The following PDS5B variants were observed in gnomAD, a reference collection of about 807,000 sequenced individuals.
PDS5B encodes the protein PDS5 cohesin associated factor B, also known as sister chromatid cohesion protein PDS5 homolog B.
A neutral mutation model predicts 184.1 loss-of-function variants in PDS5B; 51 were observed. The observed-to-expected ratio is 0.28, with a 90% CI of 0.22 to 0.35. PDS5B has a LOEUF of 0.35. PDS5B is among the 10% of genes least tolerant of loss of function. The probability of loss-of-function intolerance (pLI) is 1.00; values close to 1 mark genes in which losing one functional copy is unlikely to be tolerated. For missense variants in PDS5B, 1,180 were observed against 1,723.3 expected (o/e 0.68, Z 5.58); for synonymous variants, 566 against 569.2 (o/e 0.99, Z 0.08).
intron 1 of PDS5B, among the ~76,000 whole-genome samples, chr13:32,587,186 C>G (rs1454507174): frequency 2.0e-5 from 3 of 150,494 alleles, no homozygotes; most frequent in Non-Finnish European, 4.5e-5. Flanking sequence ...CCGCCGGGTC[C>G]CCGCGCGCCG....
intron 20 of PDS5B, among the ~76,000 whole-genome samples, chr13:32,732,557 A>G (rs1031863755): frequency 1.3e-4 from 20 of 152,154 alleles, no homozygotes; most frequent in African/African-American, 4.8e-4. Context: ...TTTCATTTGT[A>G]GGATCAAAAA....
intron 1 of PDS5B, among the ~76,000 whole-genome samples, chr13:32,635,935 AT>A (rs1299975364): frequency 1.3e-5 from 2 of 150,254 alleles, no homozygotes; most frequent in Admixed American, 1.3e-4. Flanking sequence ...CGCCTGGCTA[AT>A]TTTTTTGTAT....
intron 1 of PDS5B, among the ~76,000 whole-genome samples, chr13:32,622,710 C>A (rs2058319446): frequency 6.6e-6 from 1 of 152,076 alleles, no homozygotes; most frequent in Admixed American, 6.5e-5. Flanking sequence ...TGTTTAATAG[C>A]TGATATAAAT....
chr13:32,732,164 C>T lies in PDS5B; in HGVS notation c.2187C>T (p.Ala729=), dbSNP rs549259342. 3.3e-5 allele frequency: 53 copies of T among 1,607,850 alleles called. No homozygotes were observed. In the South Asian group the frequency reaches 5.4e-4, roughly 16 times the overall value. Reference sequence around the variant, plus strand: ...GACCCCCCCGTCAAGCCAAATATGCCATTCATTGTATCCATGCGATATTTT... The same window carrying T: ...GACCCCCCCGTCAAGCCAAATATGCTATTCATTGTATCCATGCGATATTTT... ...KKGPPRQAKY[A]IHCIHAIFSS... The change falls in exon 20 of 35, where the codon GCC becomes GCT. Residue 729 remains alanine, a synonymous_variant. Coordinates refer to ENST00000315596, the MANE Select transcript of PDS5B (RefSeq NM_015032.4).
At chr13:32,680,385 G>C (rs976981857) in intron 10 of PDS5B, among the ~76,000 whole-genome samples, 1 of 152,152 alleles carries the variant, frequency 6.6e-6, no homozygotes, top group Non-Finnish European at 1.5e-5. Flanking sequence ...GTTTGTTGGG[G>C]AGCCCTTAGT....
At chr13:32,610,288 A>T (rs533228403) in intron 1 of PDS5B, among the ~76,000 whole-genome samples, 1 of 152,330 alleles carries the variant, frequency 6.6e-6, no homozygotes, top group Non-Finnish European at 1.5e-5. Context: ...GAAAGTGCAT[A>T]ATAAGTTAAG....
intron 1 of PDS5B, among the ~76,000 whole-genome samples, chr13:32,589,516 AACATT>A (rs1305115732): frequency 6.6e-6 from 1 of 152,188 alleles, no homozygotes; most frequent in African/African-American, 2.4e-5. Context: ...TTCTTTATGT[AACATT>A]ACTTGACATG....
chr13:32,659,832 G>A (rs1399920768), intron 6 of PDS5B, among the ~76,000 whole-genome samples: 1 of 152,148 alleles, frequency 6.6e-6, no homozygotes, highest in African/African-American at 2.4e-5. Flanking sequence ...TTTGGGTTAA[G>A]GAGAGGAGGA....
At chr13:32,607,033 G>A (rs955951985) in intron 1 of PDS5B, among the ~76,000 whole-genome samples, 15 of 152,130 alleles carry the variant, frequency 9.9e-5, no homozygotes, top group East Asian at 3.9e-4. Context: ...TGTTATTACC[G>A]ATCATCTAAA....
chr13:32,768,797 A>AT (rs1566430000), intron 31 of PDS5B, among the ~76,000 whole-genome samples: 3 of 127,474 alleles, frequency 2.4e-5, no homozygotes, highest in Admixed American at 8.2e-5. Context: ...TGTCTCAAAA[A>AT]AAAAAAAAAG....
In PDS5B at chr13:32,684,871, T is replaced by G. The variant is rs1269979697; in HGVS notation, c.1203+848T>G. On this transcript the variant is annotated intron_variant, in intron 11 of 34. Transcript: ENST00000315596. ...GCTCACATCTGTAATCCCAGCACTTTGGGAGGCTGAGACGGGTAGATCATG... is the reference window on the plus strand; with the variant it reads ...GCTCACATCTGTAATCCCAGCACTTGGGGAGGCTGAGACGGGTAGATCATG... Among the ~76,000 whole-genome samples, 7 of 152,282 alleles carry G rather than the reference T, an allele frequency of 4.6e-5. No individual in the cohort carries two copies. In the East Asian group the frequency reaches 1.4e-3, roughly 29 times the overall value.
chr13:32,692,638 T>C (rs901378637), intron 13 of PDS5B, among the ~76,000 whole-genome samples: 3 of 151,814 alleles, frequency 2.0e-5, no homozygotes, highest in African/African-American at 7.3e-5. Context: ...GTAACAAATA[T>C]AAGAATATCC....
chr13:32,727,828 GA>G (rs1390412913), intron 19 of PDS5B, among the ~76,000 whole-genome samples: 2 of 150,812 alleles, frequency 1.3e-5, no homozygotes, highest in Non-Finnish European at 3.0e-5. Flanking sequence ...ATCAGATTTG[GA>G]AAAAAATTGG....
rs770066127 is a variant in PDS5B at position 32,742,722 on chromosome 13, A to T, written c.2607A>T (p.Lys869Asn). ...ATGGAGACTTGACAGAACAGGGGAA[A>T]ATTAGGTATGCAATTACTATTTCAC... ...HSDGDLTEQG[K>N]ISKPDMSRLR... The change falls in exon 23 of 35, where the codon AAA becomes AAT. Residue 869 changes from lysine to asparagine, a missense_variant. By Grantham distance (94) the Lys-to-Asn change is moderately conservative. Transcript: ENST00000315596. 6.2e-7 allele frequency: 1 copy of T among 1,611,734 alleles called. No homozygotes were observed. The highest frequency in any genetic ancestry group is 8.5e-7 in the Non-Finnish European group (1 of 1,178,394).
intron 1 of PDS5B, among the ~76,000 whole-genome samples, chr13:32,603,789 A>G (rs1052757807): frequency 6.6e-6 from 1 of 152,120 alleles, no homozygotes; most frequent in Non-Finnish European, 1.5e-5. Context: ...CTCTTTGAAG[A>G]GGTCCTTCTC....
rs934416032 is a variant in PDS5B at position 32,592,328 on chromosome 13, C to T, written c.-20+5735C>T. ...GGAATGCAGTGGTGTGATCTCGGCTCACTGCAGCCTCGGCCTTGGCAGGTT... is the reference window on the plus strand; with the variant it reads ...GGAATGCAGTGGTGTGATCTCGGCTTACTGCAGCCTCGGCCTTGGCAGGTT... On this transcript the variant is annotated intron_variant, in intron 1 of 34. Coordinates refer to ENST00000315596, the MANE Select transcript of PDS5B (RefSeq NM_015032.4). Among the ~76,000 whole-genome samples the T allele has an allele frequency of 5.4e-5, 8 of 148,744 alleles. No individual in the cohort carries two copies. The East Asian group carries it at 1.6e-3, about 30-fold the overall frequency.
intron 11 of PDS5B, among the ~76,000 whole-genome samples, chr13:32,686,640 C>T (rs1024835471): frequency 1.3e-5 from 2 of 152,048 alleles, no homozygotes; most frequent in African/African-American, 2.4e-5. Context: ...AAAAAATTAG[C>T]TAGGTGTGGC....
At chr13:32,756,067 G>T in intron 26 of PDS5B, 111 bp downstream of exon 26, 9 of 575,960 alleles carry the variant, frequency 1.6e-5, no homozygotes, top group South Asian at 4.9e-5. Context: ...TCATTTCTTA[G>T]GTGTTTAAGG....
At chr13:32,729,137 C>G (rs897665483) in intron 19 of PDS5B, among the ~76,000 whole-genome samples, 4 of 152,118 alleles carry the variant, frequency 2.6e-5, no homozygotes, top group African/African-American at 9.7e-5. Flanking sequence ...TGATGTTCCC[C>G]TCCCTGTGTC....
Sources: allele counts gnomAD v4.1 joint callset (sites outside exome capture counted in the v4.1 genomes callset), GRCh38; gene constraint gnomAD v4.1.1; transcripts MANE v1.5; gene names NCBI Gene and HGNC (gene_info 2026-07-23, HGNC 2026-07-21).